The following WWOX variants were observed in gnomAD, a reference collection of about 807,000 sequenced individuals.
The protein encoded by WWOX is WW domain-containing oxidoreductase.
Under a neutral mutation model 46.2 loss-of-function variants are expected in WWOX, and 69 were observed. That is an observed-to-expected ratio of 1.49 (90% CI 1.23 to 1.82). The LOEUF (loss-of-function observed/expected upper bound fraction) is 1.82. Among genes scored for constraint, WWOX ranks in the 40% most tolerant of loss-of-function variants. The pLI is 0.00. For missense variants in WWOX, 919 were observed against 542.6 expected, an observed-to-expected ratio of 1.69 and a Z score of -6.89; for synonymous variants, 359 against 202.6, an observed-to-expected ratio of 1.77 and a Z score of -6.56.
intron 8 of WWOX, among the ~76,000 whole-genome samples, chr16:78,803,634 AT>A (rs2050953465): frequency 6.6e-6 from 1 of 151,808 alleles, no homozygotes; most frequent in Admixed American, 6.6e-5. Flanking sequence ...TTTAATTTTT[AT>A]TTTTGTAGAG....
chr16:78,395,127 T>C (rs749664292), intron 6 of WWOX, among the ~76,000 whole-genome samples: 3 of 152,194 alleles, frequency 2.0e-5, no homozygotes, highest in Non-Finnish European at 4.4e-5. Context: ...TCTGAGAATA[T>C]ATAGAGTTTA....
chr16:78,707,203 C>G (rs1274478297), intron 8 of WWOX, among the ~76,000 whole-genome samples: 2 of 152,192 alleles, frequency 1.3e-5, no homozygotes, highest in African/African-American at 2.4e-5. Flanking sequence ...CCACCCCTTA[C>G]TCCCATCAGA....
rs557533093 is a variant in WWOX at position 79,033,543 on chromosome 16, T to G, written c.1057-178065T>G. Among the ~76,000 whole-genome samples the G allele has an allele frequency of 3.3e-5, 5 of 152,238 alleles. No homozygotes were observed. In the South Asian group the frequency reaches 8.3e-4, roughly 25 times the overall value. On this transcript the variant is annotated intron_variant, in intron 8 of 8. Transcript: ENST00000566780. ...TTTCCAGATTTCCCCTGGCCCTCAC[T>G]ACCACATGCGTAGCCACCCCTTTAT...
intron 8 of WWOX, among the ~76,000 whole-genome samples, chr16:79,131,402 T>C (rs770186314): frequency 2.0e-5 from 3 of 152,056 alleles, no homozygotes; most frequent in Non-Finnish European, 4.4e-5. Context: ...TCCCTCCTGA[T>C]TCGGAGGGAA....
At chr16:78,125,086 C>G (rs1213009179) in intron 4 of WWOX, among the ~76,000 whole-genome samples, 3 of 152,130 alleles carry the variant, frequency 2.0e-5, no homozygotes. Context: ...TTTACCCTTA[C>G]CTCTACAATG....
At chr16:78,269,341 G>C (rs957543089) in intron 5 of WWOX, among the ~76,000 whole-genome samples, 2 of 152,162 alleles carry the variant, frequency 1.3e-5, no homozygotes, top group Non-Finnish European at 2.9e-5. Flanking sequence ...GGATAGACTG[G>C]AGACTCAGAA....
At chr16:78,576,103 G>A (rs892091288) in intron 8 of WWOX, among the ~76,000 whole-genome samples, 2 of 152,060 alleles carry the variant, frequency 1.3e-5, no homozygotes, top group African/African-American at 4.8e-5. Context: ...TTGTCTGACA[G>A]TTTCCCTCTT....
intron 8 of WWOX, among the ~76,000 whole-genome samples, chr16:78,845,522 T>C (rs934901832): frequency 6.6e-6 from 1 of 152,200 alleles, no homozygotes; most frequent in Admixed American, 6.5e-5. Context: ...ATAAAACATA[T>C]TTTTAAAGAA....
intron 8 of WWOX, among the ~76,000 whole-genome samples, chr16:79,036,532 A>G (rs1354385863): frequency 6.6e-6 from 1 of 152,204 alleles, no homozygotes; most frequent in Non-Finnish European, 1.5e-5. Flanking sequence ...TGCCAGAGTC[A>G]GGGCTTTCCT....
intron 8 of WWOX, among the ~76,000 whole-genome samples, chr16:79,144,696 T>C (rs2150721699): frequency 6.6e-6 from 1 of 152,338 alleles, no homozygotes; most frequent in South Asian, 2.1e-4. Context: ...ATATAAATTT[T>C]ATTGACCTAA....
chr16:79,095,964 C>G (rs909872824), intron 8 of WWOX, among the ~76,000 whole-genome samples: 1 of 150,248 alleles, frequency 6.7e-6, no homozygotes, highest in African/African-American at 2.5e-5. Context: ...ATTTTCCCAC[C>G]TCAGCCTCCC....
intron 8 of WWOX, among the ~76,000 whole-genome samples, chr16:78,769,838 C>A (rs1191517040): frequency 6.7e-6 from 1 of 149,712 alleles, no homozygotes; most frequent in African/African-American, 2.5e-5. Flanking sequence ...GAGGTCCTGT[C>A]TCTACAAAAA....
chr16:78,406,303 A>AATATAAATATATAT (rs1200192812), intron 6 of WWOX, among the ~76,000 whole-genome samples: 1 of 57,844 alleles, frequency 1.7e-5, no homozygotes, highest in Non-Finnish European at 4.0e-5. Flanking sequence ...TATAAATATA[A>AATATAAATATATAT]ATATATATAT....
chr16:79,149,012 A>G (rs2050230278), intron 8 of WWOX, among the ~76,000 whole-genome samples: 1 of 152,070 alleles, frequency 6.6e-6, no homozygotes, highest in African/African-American at 2.4e-5. Flanking sequence ...CTTCCTTTAT[A>G]ATATGTGTGC....
At chr16:78,158,774 T>C (rs997469249) in intron 4 of WWOX, among the ~76,000 whole-genome samples, 1 of 152,196 alleles carries the variant, frequency 6.6e-6, no homozygotes. Flanking sequence ...ATTTGATGTA[T>C]AGAACTTGAT....
At chr16:78,646,635 C>A (rs1378477851) in intron 8 of WWOX, among the ~76,000 whole-genome samples, 2 of 152,180 alleles carry the variant, frequency 1.3e-5, no homozygotes, top group African/African-American at 4.8e-5. Flanking sequence ...ACCATGTTGG[C>A]CAAGCTGATC....
At chr16:78,725,605 C>G (rs866349701) in intron 8 of WWOX, among the ~76,000 whole-genome samples, 32 of 151,856 alleles carry the variant, frequency 2.1e-4, no homozygotes, top group African/African-American at 7.5e-4. Flanking sequence ...CCTCAGCCTC[C>G]CAAAGTCAGG....
chr16:79,035,807 A>C (rs985168158), intron 8 of WWOX, among the ~76,000 whole-genome samples: 8 of 152,158 alleles, frequency 5.3e-5, no homozygotes, highest in African/African-American at 1.7e-4. Context: ...ACCCCATTAG[A>C]CGGTGGCCAA....
intron 8 of WWOX, among the ~76,000 whole-genome samples, chr16:79,104,276 A>G (rs949695116): frequency 1.3e-5 from 2 of 152,224 alleles, no homozygotes; most frequent in Admixed American, 6.5e-5. Context: ...GGACATTAAT[A>G]ATGTTTTGGT....
Sources: allele counts gnomAD v4.1 joint callset (sites outside exome capture counted in the v4.1 genomes callset), GRCh38; gene constraint gnomAD v4.1.1; transcripts MANE v1.5; gene names NCBI Gene and HGNC (gene_info 2026-07-23, HGNC 2026-07-21).